The following CNPY1 variants were observed in gnomAD, a reference collection of about 807,000 sequenced individuals.
CNPY1 encodes the protein protein canopy homolog 1.
In CNPY1, 14 loss-of-function variants were observed where a neutral mutation model predicts 14.4. The ratio of observed to expected loss-of-function variants is 0.97; its 90% CI spans 0.64 to 1.52. CNPY1 has a LOEUF of 1.52. Ranked by LOEUF, CNPY1 falls within the 40% of genes most tolerant of loss-of-function variation. The pLI is 0.00. For synonymous variants in CNPY1, 43 were observed against 46.5 expected, an observed-to-expected ratio of 0.92 and a Z score of 0.31; for missense variants, 129 against 131.5, an observed-to-expected ratio of 0.98 and a Z score of 0.09.
At chr7:155,533,581 G>A (rs1451446893) in intron 2 of CNPY1, among the ~76,000 whole-genome samples, 1 of 152,164 alleles carries the variant, frequency 6.6e-6, no homozygotes, top group Admixed American at 6.5e-5. Flanking sequence ...CCGTCGCTTC[G>A]CTCCGTCCCG....
chr7:155,514,809 G>A (rs970689680), intron 2 of CNPY1, among the ~76,000 whole-genome samples: 6 of 152,102 alleles, frequency 3.9e-5, no homozygotes, highest in Admixed American at 6.5e-5. Context: ...CGGGAGAATC[G>A]CTTGAACCCG....
rs533513213 is a variant in CNPY1 at position 155,508,343 on chromosome 7, G to A, written c.303+551C>T. ...TAACTTAGTTTGGGCTAGAATATTC[G>A]AATTAACTCAGGATACAATTCTCCC... On this transcript the variant is annotated intron_variant, in intron 3 of 4. Coordinates refer to ENST00000636446, the MANE Select transcript of CNPY1 (RefSeq NM_001393663.1). Among the ~76,000 whole-genome samples the A allele has an allele frequency of 3.9e-5, 6 of 152,286 alleles. No homozygotes were observed. In the South Asian group the frequency reaches 1.2e-3, roughly 32 times the overall value.
chr7:155,527,050 CTTTCTT>C (rs1183126882), intron 2 of CNPY1, among the ~76,000 whole-genome samples: 21 of 67,520 alleles, frequency 3.1e-4, no homozygotes, highest in African/African-American at 1.2e-3. Context: ...TTCTTTCTTT[CTTTCTT>C]TTTTTTTTTT....
intron 2 of CNPY1, among the ~76,000 whole-genome samples, chr7:155,525,841 C>G (rs1430437300): frequency 1.3e-5 from 2 of 152,194 alleles, no homozygotes; most frequent in African/African-American, 4.8e-5. Flanking sequence ...TGAACAGGTG[C>G]CTAACTCCTC....
chr7:155,541,703 C>G (rs56079140), intron 2 of CNPY1, among the ~76,000 whole-genome samples: 3,021 of 152,246 alleles, frequency 0.02, 105 homozygotes, highest in African/African-American at 0.068. Flanking sequence ...AGCTGGAGCA[C>G]CCTTCCTCGA....
At chr7:155,542,005 G>A (rs982838718) in intron 2 of CNPY1, among the ~76,000 whole-genome samples, 3 of 150,946 alleles carry the variant, frequency 2.0e-5, no homozygotes, top group Admixed American at 6.6e-5. Context: ...GCCAATGAAC[G>A]CTGTGTTTGC....
chr7:155,520,113 C>T (rs977592271), intron 2 of CNPY1, among the ~76,000 whole-genome samples: 2 of 152,130 alleles, frequency 1.3e-5, no homozygotes, highest in African/African-American at 4.8e-5. Flanking sequence ...TATTTCTGGC[C>T]GAGGAATGGA....
intron 2 of CNPY1, among the ~76,000 whole-genome samples, chr7:155,544,208 C>T (rs747346503): frequency 3.3e-5 from 5 of 152,220 alleles, no homozygotes; most frequent in South Asian, 2.1e-4. Context: ...GTGGGAGCTG[C>T]GGCCACTTGG....
At chr7:155,545,029 C>T (rs939194836) in intron 2 of CNPY1, among the ~76,000 whole-genome samples, 1 of 152,190 alleles carries the variant, frequency 6.6e-6, no homozygotes, top group African/African-American at 2.4e-5. Flanking sequence ...CGGATGGGCA[C>T]ACAGCTCCAG....
intron 2 of CNPY1, among the ~76,000 whole-genome samples, chr7:155,543,885 A>G (rs1192533895): frequency 6.6e-6 from 1 of 152,208 alleles, no homozygotes; most frequent in African/African-American, 2.4e-5. Context: ...CCTTAGGCAC[A>G]CTGGTGAATG....
In CNPY1 at chr7:155,502,008, G is replaced by GT. The variant is rs932623760; in HGVS notation, c.*1059_*1060insA. The GT allele has an allele frequency of 1.3e-5, 2 of 149,198 alleles. No homozygotes were observed. Among genetic ancestry groups the GT allele is most frequent in the Admixed American group, 1.3e-4 (2 of 14,942 alleles). The allele number at this position is 149,198 out of a possible 1,614,324, so 9.2% of individuals were successfully genotyped here. A position where few individuals can be genotyped will look rare whatever the true frequency, so the allele number is the denominator to read the frequency against. On this transcript the variant is annotated 3_prime_UTR_variant, in exon 5 of 5. Transcript: ENST00000636446. ...GAGTTTTGGGTCGGGGGGGTTGGGG[G>GT]GGGGATTTGTAGCATCCTACCCACT... is the stretch of plus-strand genomic sequence containing the variant.
intron 2 of CNPY1, among the ~76,000 whole-genome samples, chr7:155,539,324 T>A (rs1403949685): frequency 3.1e-4 from 47 of 152,212 alleles, no homozygotes. Flanking sequence ...AAACCCATTA[T>A]ATAAAGTGTC....
chr7:155,544,575 C>T (rs1244271308), intron 2 of CNPY1, among the ~76,000 whole-genome samples: 1 of 152,252 alleles, frequency 6.6e-6, no homozygotes, highest in Non-Finnish European at 1.5e-5. Flanking sequence ...CAGACAGGCA[C>T]TCACATCTTC....
At chr7:155,517,417 G>A (rs1796641906) in intron 2 of CNPY1, among the ~76,000 whole-genome samples, 1 of 152,210 alleles carries the variant, frequency 6.6e-6, no homozygotes, top group Non-Finnish European at 1.5e-5. Flanking sequence ...GCTCCTGTCT[G>A]TGGGACTTGT....
Position 155,503,024 on chromosome 7 carries a change from T to C in CNPY1, c.*44A>G. On this transcript the variant is annotated 3_prime_UTR_variant, in exon 5 of 5. Coordinates refer to ENST00000636446, the MANE Select transcript of CNPY1 (RefSeq NM_001393663.1). ...AACATAAAATGCAGACATTGACCTT[T>C]GGGTGTGACTTTACTCCTCTCTACG... is the stretch of plus-strand genomic sequence containing the variant. 1.3e-6 allele frequency: 2 copies of C among 1,568,158 alleles called. No homozygotes were observed. Among genetic ancestry groups the C allele is most frequent in the Non-Finnish European group, 1.7e-6 (2 of 1,147,428 alleles).
chr7:155,521,216 G>A (rs933693863), intron 2 of CNPY1, among the ~76,000 whole-genome samples: 3 of 152,122 alleles, frequency 2.0e-5, no homozygotes, highest in East Asian at 1.9e-4. Context: ...CAGGAAAGTC[G>A]CCGATGGGGC....
chr7:155,527,439 T>C (rs1170622491), intron 2 of CNPY1, among the ~76,000 whole-genome samples: 67 of 125,332 alleles, frequency 5.3e-4, no homozygotes, highest in African/African-American at 1.7e-3. Context: ...AATTTCTTTT[T>C]TTTTTTTTTT....
intron 2 of CNPY1, among the ~76,000 whole-genome samples, chr7:155,530,760 T>C (rs1796923776): frequency 1.3e-5 from 2 of 152,170 alleles, no homozygotes; most frequent in Non-Finnish European, 2.9e-5. Context: ...ACTACTGCCG[T>C]GGGGGACCCA....
intron 2 of CNPY1, among the ~76,000 whole-genome samples, chr7:155,509,769 G>A (rs560547720): frequency 6.6e-6 from 1 of 152,338 alleles, no homozygotes; most frequent in South Asian, 2.1e-4. Flanking sequence ...CTTTCTTTGG[G>A]AACAGCTGGT....
Sources: allele counts gnomAD v4.1 joint callset (sites outside exome capture counted in the v4.1 genomes callset), GRCh38; gene constraint gnomAD v4.1.1; transcripts MANE v1.5; gene names NCBI Gene and HGNC (gene_info 2026-07-23, HGNC 2026-07-21).